STAM: variants seen among roughly 807,000 people sequenced by gnomAD.
STAM encodes the protein signal transducing adapter molecule 1.
Under a neutral mutation model 63.4 loss-of-function variants are expected in STAM, and 16 were observed. The ratio of observed to expected loss-of-function variants is 0.25; its 90% CI spans 0.17 to 0.38. STAM has a LOEUF of 0.38. Ranked by LOEUF, STAM falls within the 10% of genes least tolerant of loss-of-function variation. The probability of loss-of-function intolerance (pLI) is 1.00; values close to 1 mark genes in which losing one functional copy is unlikely to be tolerated. For missense variants in STAM, 636 were observed against 657.1 expected, an observed-to-expected ratio of 0.97 and a Z score of 0.35; for synonymous variants, 238 against 223.9, an observed-to-expected ratio of 1.06 and a Z score of -0.56.
intron 2 of STAM, among the ~76,000 whole-genome samples, chr10:17,677,249 C>T (rs1207476911): frequency 1.3e-5 from 2 of 152,094 alleles, no homozygotes; most frequent in African/African-American, 4.8e-5. Context: ...TTTCAACACC[C>T]CTTTCCCCAC....
chr10:17,697,786 T>C (rs1835825094), intron 8 of STAM, among the ~76,000 whole-genome samples: 1 of 152,146 alleles, frequency 6.6e-6, no homozygotes. Flanking sequence ...ATATTTAAAA[T>C]TTTTAAAGAG....
chr10:17,655,356 C>T (rs1833896575), intron 1 of STAM, among the ~76,000 whole-genome samples: 1 of 152,144 alleles, frequency 6.6e-6, no homozygotes, highest in Admixed American at 6.5e-5. Flanking sequence ...AGGAATTAAT[C>T]TGTGTGAATA....
chr10:17,680,134 C>T (rs1270191415), intron 2 of STAM, among the ~76,000 whole-genome samples: 2 of 152,006 alleles, frequency 1.3e-5, no homozygotes, highest in Non-Finnish European at 2.9e-5. Context: ...GGTTTCCTTG[C>T]TCTTTTTCCT....
At chr10:17,677,705 T>C (rs1834911486) in intron 2 of STAM, among the ~76,000 whole-genome samples, 1 of 152,228 alleles carries the variant, frequency 6.6e-6, no homozygotes, top group African/African-American at 2.4e-5. Context: ...AATTGAATGC[T>C]TGGCACATAA....
intron 6 of STAM, 27 bp downstream of exon 6, chr10:17,693,339 G>C (rs782358766): frequency 6.5e-7 from 1 of 1,545,844 alleles, no homozygotes; most frequent in Admixed American, 1.7e-5. Flanking sequence ...CTGATGGTGG[G>C]AATAACATAA....
At chr10:17,669,226 TTA>T (rs1361740348) in intron 2 of STAM, among the ~76,000 whole-genome samples, 35 of 152,306 alleles carry the variant, frequency 2.3e-4, no homozygotes, top group African/African-American at 8.4e-4. Context: ...CTTTTATATA[TTA>T]TATTTGCATA....
chr10:17,653,447 A>G (rs1833818207), intron 1 of STAM, among the ~76,000 whole-genome samples: 2 of 152,314 alleles, frequency 1.3e-5, no homozygotes, highest in Admixed American at 6.5e-5. Context: ...GGTGATACAC[A>G]TTGTGGTGAT....
At chr10:17,653,551 T>C (rs781849539) in intron 1 of STAM, among the ~76,000 whole-genome samples, 19 of 152,154 alleles carry the variant, frequency 1.2e-4, no homozygotes, top group Non-Finnish European at 2.1e-4. Context: ...AGGTGGTTGT[T>C]TGTATCTGGG....
Position 17,714,670 on chromosome 10 carries a change from A to G in STAM, c.1513A>G (p.Met505Val). The change falls in exon 14 of 14, where the codon ATG (methionine) becomes GTG (valine). Residue 505 changes from methionine to valine, a missense_variant. By Grantham distance (21) the Met-to-Val change is conservative. Coordinates refer to ENST00000377524, the MANE Select transcript of STAM (RefSeq NM_003473.4). ...TCTGTACCAGAATGCAGGACCTAAT[A>G]TGCCCCAGGTGCCAAACTATAACTT... ...VTLYQNAGPN[M>V]PQVPNYNLTS... 2 of 1,614,062 alleles carry G rather than the reference A, an allele frequency of 1.2e-6. No homozygotes were observed. The highest frequency in any genetic ancestry group is 1.7e-6 in the Non-Finnish European group (2 of 1,180,002).
intron 9 of STAM, among the ~76,000 whole-genome samples, chr10:17,701,095 C>G (rs1835974650): frequency 6.6e-6 from 1 of 152,146 alleles, no homozygotes; most frequent in African/African-American, 2.4e-5. Flanking sequence ...ACACACCATA[C>G]TTTTTGGAGC....
chr10:17,650,238 A>G (rs1046092618), intron 1 of STAM, among the ~76,000 whole-genome samples: 2 of 152,314 alleles, frequency 1.3e-5, no homozygotes, highest in South Asian at 2.1e-4. Context: ...CTCTTAGTAA[A>G]TGGACACAAT....
intron 2 of STAM, among the ~76,000 whole-genome samples, chr10:17,664,840 G>C (rs112940364): frequency 9.9e-5 from 15 of 152,190 alleles, no homozygotes; most frequent in South Asian, 8.3e-4. Context: ...AAAGTGCGGC[G>C]ATCTTTTTAA....
intron 2 of STAM, among the ~76,000 whole-genome samples, chr10:17,667,800 C>T (rs1049076358): frequency 6.6e-6 from 1 of 152,142 alleles, no homozygotes; most frequent in Non-Finnish European, 1.5e-5. Context: ...GCACTGCATC[C>T]CAGAAAGAAG....
chr10:17,710,556 G>A (rs1836510766), intron 13 of STAM, among the ~76,000 whole-genome samples: 1 of 152,170 alleles, frequency 6.6e-6, no homozygotes, highest in Non-Finnish European at 1.5e-5. Context: ...CATTTTTACT[G>A]GGACATCTTC....
At chr10:17,672,769 GC>G (rs1266685987) in intron 2 of STAM, among the ~76,000 whole-genome samples, 11 of 152,140 alleles carry the variant, frequency 7.2e-5, no homozygotes, top group Non-Finnish European at 1.6e-4. Flanking sequence ...TGCAGTTTTG[GC>G]CTTTATACCT....
At position 17,708,898 on chromosome 10, in the gene STAM, A is replaced by G. The variant is rs782654321; in HGVS notation, c.1332A>G (p.Pro444=). The change falls in exon 13 of 14, where the codon CCA becomes CCG. Residue 444 remains proline, a synonymous_variant. Transcript: ENST00000377524. Reference sequence around the variant, plus strand: ...CTTCTCTCAGCCAGGCAGTGGTCCCACCATCCGCAAACCCAGCCCTTCCTA... The same window carrying G: ...CTTCTCTCAGCCAGGCAGTGGTCCCGCCATCCGCAAACCCAGCCCTTCCTA... The part of the protein sequence containing the change: ...QLSSLSQAVV[P]PSANPALPSQ... 4.3e-6 allele frequency: 7 copies of G among 1,614,190 alleles called. No homozygotes were observed. Among genetic ancestry groups the G allele is most frequent in the Non-Finnish European group, 5.9e-6 (7 of 1,180,022 alleles).
chr10:17,674,470 G>A (rs952855804), intron 2 of STAM, among the ~76,000 whole-genome samples: 15 of 152,064 alleles, frequency 9.9e-5, no homozygotes, highest in African/African-American at 2.7e-4. Context: ...AGTGATGGTC[G>A]ACCATCACCT....
chr10:17,692,920 T>G (rs1835602606), intron 5 of STAM, among the ~76,000 whole-genome samples: 1 of 152,174 alleles, frequency 6.6e-6, no homozygotes, highest in Non-Finnish European at 1.5e-5. Context: ...TTTAAACACG[T>G]TGAAATCTTC....
chr10:17,696,932 G>C (rs1387239594), intron 8 of STAM, 63 bp downstream of exon 8: 3 of 1,412,920 alleles, frequency 2.1e-6, no homozygotes, highest in Admixed American at 1.7e-5. Context: ...TGGAAGTTGA[G>C]TAAACTGAAC....
Sources: gnomAD v4.1 joint callset for allele counts (sites outside exome capture counted in the v4.1 genomes callset) on GRCh38, gnomAD v4.1.1 for gene constraint, MANE v1.5 for transcripts, NCBI Gene and HGNC (gene_info 2026-07-23, HGNC 2026-07-21) for gene names.